Variants in PNPO observed in about 807,000 individuals in gnomAD.
The protein encoded by PNPO is pyridoxamine 5'-phosphate oxidase.
In PNPO, 39 loss-of-function variants were observed where a neutral mutation model predicts 35.0. That is an observed-to-expected ratio of 1.11 (90% CI 0.86 to 1.45). The LOEUF is 1.45. Ranked by LOEUF, PNPO falls within the 40% of genes most tolerant of loss-of-function variation. The pLI is 0.00. For missense variants in PNPO, 288 were observed against 340.0 expected, an observed-to-expected ratio of 0.85 and a Z score of 1.20; for synonymous variants, 115 against 119.8, an observed-to-expected ratio of 0.96 and a Z score of 0.26.
intron 2 of PNPO, 88 bp from the exon 3 acceptor site, chr17:47,944,528 G>A: frequency 1.0e-6 from 1 of 994,790 alleles, no homozygotes; most frequent in Non-Finnish European, 1.6e-6. Context: ...GCAGCTGGAG[G>A]GGGTGCTGAG....
Position 47,941,608 on chromosome 17 carries a change from A to T in PNPO, c.-68A>T. Reference sequence around the variant, plus strand: ...CCCCGGGGTAGAAGTCCAGGGTGAGAAATTGGTTCCGAACTCAAAGGAACC... The same window carrying T: ...CCCCGGGGTAGAAGTCCAGGGTGAGTAATTGGTTCCGAACTCAAAGGAACC... On this transcript the variant is annotated 5_prime_UTR_variant, in exon 1 of 7. Coordinates refer to ENST00000642017, the MANE Select transcript of PNPO (RefSeq NM_018129.4). 6.9e-7 allele frequency: 1 copy of T among 1,458,212 alleles called. No homozygotes were observed. The highest frequency in any genetic ancestry group is 9.1e-7 in the Non-Finnish European group (1 of 1,096,768). 90.3% of individuals were successfully genotyped at this position (1,458,212 alleles called of 1,614,324 possible). A position where few individuals can be genotyped will look rare whatever the true frequency, so the allele number is the denominator to read the frequency against.
Position 47,943,419 on chromosome 17 carries a change from T to C in PNPO, c.252T>C (p.Ala84=). The part of the protein sequence containing the change: ...DIGEANAMCL[A]TCTRDGKPSA... ...GGGAAGCCAATGCCATGTGTCTGGC[T>C]ACCTGCACCAGGTGGGCATGGCTGT... Residue 84 remains alanine, a synonymous_variant, in exon 2 of 7, where the codon GCT becomes GCC. Transcript: ENST00000642017. The C allele has an allele frequency of 1.2e-6, 2 of 1,613,830 alleles. No individual in the cohort carries two copies. The highest frequency in any genetic ancestry group is 1.3e-5 in the African/African-American group (1 of 75,044).
chr17:47,941,922 AC>A, intron 1 of PNPO, 109 bp downstream of exon 1: 1 of 1,390,226 alleles, frequency 7.2e-7, no homozygotes, highest in East Asian at 2.7e-5. Context: ...TTCTGGGGCC[AC>A]CCGGTGGGGC....
chr17:47,948,665 G>C lies in PNPO; in HGVS notation c.*1883G>C, dbSNP rs1986694. The stretch of plus-strand genomic sequence containing the variant: ...CCTGCATTTTCACTAGACCCCAGGT[G>C]ATCAGCTGCACTAGACTCAACCTCT... On this transcript the variant is annotated 3_prime_UTR_variant, in exon 7 of 7. Transcript: ENST00000642017. 0.095 allele frequency: 14,423 copies of C among 152,254 alleles called. 807 individuals are homozygous for C. The highest frequency in any genetic ancestry group is 0.22 in the East Asian group (1,142 of 5,176). 9.4% of individuals were successfully genotyped at this position (152,254 alleles called of 1,614,324 possible). A position where few individuals can be genotyped will look rare whatever the true frequency, so the allele number is the denominator to read the frequency against.
intron 2 of PNPO, 133 bp downstream of exon 2, chr17:47,943,563 C>T: frequency 1.9e-6 from 2 of 1,076,100 alleles, no homozygotes; most frequent in Non-Finnish European, 1.4e-6. Context: ...AGGCAAGATA[C>T]TTGTCCTCTC....
Position 47,945,839 on chromosome 17 carries a change from A to G in PNPO, c.418-22A>G, listed in dbSNP as rs1437389763. On this transcript the variant is annotated intron_variant, in intron 4 of 6. Coordinates refer to ENST00000642017, the MANE Select transcript of PNPO (RefSeq NM_018129.4). This position sits in a 1 kb window ranked among gnomAD's most constrained non-coding sequence, Gnocchi z 4.0. ...GGGCAGGTGGCATTTAATGCCATTC[A>G]CCCAGAGCCATCCCTGAGCAGGTGC... 6.2e-7 allele frequency: 1 copy of G among 1,612,144 alleles called. No individual in the cohort carries two copies. Among genetic ancestry groups the G allele is most frequent in the East Asian group, 2.2e-5 (1 of 44,856 alleles).
chr17:47,944,243 G>A (rs1334116347), intron 2 of PNPO, among the ~76,000 whole-genome samples: 8 of 143,924 alleles, frequency 5.6e-5, no homozygotes, highest in Non-Finnish European at 1.2e-4. Context: ...GTGTTGTGGA[G>A]GGCAAGGGAG....
rs749641520 is a variant in PNPO at position 47,945,537 on chromosome 17, G to T, written c.364-22G>T. On this transcript the variant is annotated intron_variant, in intron 3 of 6. Transcript: ENST00000642017. This position sits in a 1 kb window ranked among gnomAD's most constrained non-coding sequence, Gnocchi z 4.0. ...CCTCTCCCTGTCCTGATGGCTGGCTGTGGATTCTCTTTTACTTCTAGGACT... is the reference window on the plus strand; with the variant it reads ...CCTCTCCCTGTCCTGATGGCTGGCTTTGGATTCTCTTTTACTTCTAGGACT... The T allele has an allele frequency of 1.9e-6, 3 of 1,607,422 alleles. No homozygotes were observed. In the South Asian group the frequency reaches 3.3e-5, roughly 18 times the overall value.
rs966177687 is a variant in PNPO, at chr17:47,945,685, G to A, written c.417+73G>A. ...GCCTGAGTTTATGGCTACGTCTAGC[G>A]AAGGTCCCCAGACTGGGCAAACATC... On this transcript the variant is annotated intron_variant, in intron 4 of 6. Transcript: ENST00000642017. The surrounding 1 kb of genome is among the most constrained non-coding windows in gnomAD (Gnocchi z 4.0). The A allele has an allele frequency of 1.8e-5, 27 of 1,460,352 alleles. No homozygotes were observed. The highest frequency in any genetic ancestry group is 1.5e-4 in the African/African-American group (11 of 71,872). 90.5% of individuals were successfully genotyped at this position (1,460,352 alleles called of 1,614,324 possible). A position where few individuals can be genotyped will look rare whatever the true frequency, so the allele number is the denominator to read the frequency against.
intron 5 of PNPO, 107 bp downstream of exon 5, chr17:47,946,096 C>A: frequency 1.4e-6 from 2 of 1,431,422 alleles, no homozygotes; most frequent in Non-Finnish European, 1.9e-6. Context: ...TGTCCTCTCT[C>A]TCCAGCCCAG....
In PNPO at chr17:47,941,711, C is replaced by G. The variant is rs1395423512; in HGVS notation, c.36C>G (p.Phe12Leu). The G allele has an allele frequency of 1.2e-5, 19 of 1,542,714 alleles. No individual in the cohort carries two copies. The highest frequency in any genetic ancestry group is 1.7e-5 in the Non-Finnish European group (19 of 1,141,624). ...GGCTGCGGGGCGTCACGGCGACGTT[C>G]GGGCGACCTGCCGAGTGGCCAGGCT... ...TCWLRGVTAT[F>L]GRPAEWPGYL... is the part of the protein sequence containing the mutation. Residue 12 changes from phenylalanine to leucine, a missense_variant, in exon 1 of 7, where the codon TTC (phenylalanine) becomes TTG (leucine). Coordinates refer to ENST00000642017, the MANE Select transcript of PNPO (RefSeq NM_018129.4).
intron 6 of PNPO, 107 bp from the exon 7 acceptor site, chr17:47,946,507 C>T: frequency 7.0e-7 from 1 of 1,426,402 alleles, no homozygotes. Context: ...TTGTCAGATG[C>T]ATCCCAGCAA....
chr17:47,946,064 G>T, intron 5 of PNPO, 75 bp downstream of exon 5: 1 of 1,552,876 alleles, frequency 6.4e-7, no homozygotes, highest in Admixed American at 1.7e-5. Flanking sequence ...CCCAGGAGAT[G>T]CCAGGAGATG....
rs1445649991 is a variant in PNPO, at chr17:47,941,653, G to A, written c.-23G>A. On this transcript the variant is annotated 5_prime_UTR_variant, in exon 1 of 7. Coordinates refer to ENST00000642017, the MANE Select transcript of PNPO (RefSeq NM_018129.4). ...GGAACCCAGTGCCGGGCCACAGCCGGGTCACGTGGCCGGCGGCCCCCCATG... is the reference window on the plus strand; with the variant it reads ...GGAACCCAGTGCCGGGCCACAGCCGAGTCACGTGGCCGGCGGCCCCCCATG... 3.3e-6 allele frequency: 5 copies of A among 1,521,256 alleles called. No homozygotes were observed. The highest frequency in any genetic ancestry group is 4.4e-6 in the Non-Finnish European group (5 of 1,126,940). 94.2% of individuals were successfully genotyped at this position (1,521,256 alleles called of 1,614,324 possible).
Position 47,941,614 on chromosome 17 carries a change from G to A in PNPO, c.-62G>A. 2 of 1,466,984 alleles carry A rather than the reference G, an allele frequency of 1.4e-6. No individual in the cohort carries two copies. The highest frequency in any genetic ancestry group is 1.4e-5 in the African/African-American group (1 of 71,080). 90.9% of individuals were successfully genotyped at this position (1,466,984 alleles called of 1,614,324 possible). A position where few individuals can be genotyped will look rare whatever the true frequency, so the allele number is the denominator to read the frequency against. ...GGTAGAAGTCCAGGGTGAGAAATTG[G>A]TTCCGAACTCAAAGGAACCCAGTGC... is the stretch of plus-strand genomic sequence containing the variant. On this transcript the variant is annotated 5_prime_UTR_variant, in exon 1 of 7. Transcript: ENST00000642017.
chr17:47,941,951 AC>A (rs1436316776), intron 1 of PNPO, 138 bp downstream of exon 1: 5 of 1,344,328 alleles, frequency 3.7e-6, no homozygotes, highest in South Asian at 1.9e-5. Context: ...TTTGAGGATC[AC>A]CCCCCGTGGG....
intron 1 of PNPO, among the ~76,000 whole-genome samples, chr17:47,943,070 A>G (rs150152088): frequency 2.1e-3 from 321 of 152,328 alleles, no homozygotes; most frequent in East Asian, 0.011. Context: ...CACCCATGAC[A>G]TGTAACCCTG....
chr17:47,943,297 C>T lies in PNPO; in HGVS notation c.139-9C>T. The stretch of plus-strand genomic sequence containing the variant: ...ATGTTTATTAAATGAAATAAATCTC[C>T]TTTCCTAGGCATTTGAGGAGACTCA... On this transcript the variant is annotated splice_polypyrimidine_tract_variant and intron_variant, in intron 1 of 6. Transcript: ENST00000642017. The T allele has an allele frequency of 1.2e-6, 2 of 1,611,246 alleles. No homozygotes were observed. Among genetic ancestry groups the T allele is most frequent in the Non-Finnish European group, 1.7e-6 (2 of 1,177,724 alleles).
At chr17:47,943,186 A>G in intron 1 of PNPO, 120 bp from the exon 2 acceptor site, 1 of 755,560 alleles carries the variant, frequency 1.3e-6, no homozygotes, top group Non-Finnish European at 2.3e-6. Flanking sequence ...ACTATTTCTT[A>G]TTTTAAGGTC....
Sources: allele counts gnomAD v4.1 joint callset (sites outside exome capture counted in the v4.1 genomes callset), GRCh38; gene constraint gnomAD v4.1.1; non-coding constraint Gnocchi (gnomAD v3.1); transcripts MANE v1.5; gene names NCBI Gene and HGNC (gene_info 2026-07-23, HGNC 2026-07-21).